The following KRIT1 variants were observed in gnomAD, a reference collection of about 807,000 sequenced individuals.
KRIT1 encodes krev interaction trapped protein 1.
In KRIT1, 45 loss-of-function variants were observed where a neutral mutation model predicts 95.8. The ratio of observed to expected loss-of-function variants is 0.47; its 90% CI spans 0.37 to 0.60. The LOEUF is 0.60. Ranked by LOEUF, KRIT1 falls within the 20% of genes least tolerant of loss-of-function variation. KRIT1 has a pLI of 0.00. For synonymous variants in KRIT1, 282 were observed against 278.8 expected, an observed-to-expected ratio of 1.01 and a Z score of -0.11; for missense variants, 788 against 877.5, an observed-to-expected ratio of 0.90 and a Z score of 1.29.
At chr7:92,240,484 G>A (rs540075853) in intron 5 of KRIT1, among the ~76,000 whole-genome samples, 7 of 152,238 alleles carry the variant, frequency 4.6e-5, no homozygotes, top group African/African-American at 1.7e-4. Flanking sequence ...CTGAGAAAAT[G>A]GATCATTAAT....
chr7:92,226,542 T>C lies in KRIT1; in HGVS notation c.1130A>G (p.His377Arg), dbSNP rs1481986197. The change falls in exon 11 of 19, where the codon CAC (histidine) becomes CGC (arginine). Residue 377 changes from histidine (H) to arginine (R), a missense_variant. Physicochemically the swap from His to Arg is conservative, Grantham distance 29 (BLOSUM62 0). Transcript: ENST00000394505. ...HAEIVQILLN[H>R]PETDRHITDQ... ...ATAACTTACTCTATCCGTTTCTGGG[T>C]GGTTTAGGAGAATCTGTACTATTTC... The C allele has an allele frequency of 3.1e-6, 5 of 1,612,296 alleles. No homozygotes were observed. The highest frequency in any genetic ancestry group is 4.2e-6 in the Non-Finnish European group (5 of 1,178,456).
At chr7:92,204,892 C>G (rs1791052897) in intron 17 of KRIT1, among the ~76,000 whole-genome samples, 1 of 152,122 alleles carries the variant, frequency 6.6e-6, no homozygotes, top group African/African-American at 2.4e-5. Flanking sequence ...TTACTAAAAT[C>G]AGACTCTATT....
At chr7:92,236,793 A>G (rs1798519393) in intron 6 of KRIT1, among the ~76,000 whole-genome samples, 1 of 152,124 alleles carries the variant, frequency 6.6e-6, no homozygotes, top group Non-Finnish European at 1.5e-5. Context: ...CAATGCTGTA[A>G]AACTCATTAA....
intron 8 of KRIT1, 53 bp downstream of exon 8, chr7:92,235,350 C>T: frequency 6.4e-7 from 1 of 1,573,858 alleles, no homozygotes; most frequent in African/African-American, 1.3e-5. Flanking sequence ...AAAAAAATTA[C>T]ACTTGAGATA....
At chr7:92,211,363 T>C (rs1289934287) in intron 17 of KRIT1, among the ~76,000 whole-genome samples, 1 of 152,214 alleles carries the variant, frequency 6.6e-6, no homozygotes, top group African/African-American at 2.4e-5. Flanking sequence ...AAATCTTGCA[T>C]TCGCAACAAC....
At chr7:92,214,540 AT>A in intron 15 of KRIT1, 70 bp downstream of exon 15, 1 of 1,163,550 alleles carries the variant, frequency 8.6e-7, no homozygotes, top group Non-Finnish European at 1.3e-6. Flanking sequence ...TTCTAATAAC[AT>A]TTTTAAACTT....
At chr7:92,207,460 C>G (rs1020476975) in intron 17 of KRIT1, among the ~76,000 whole-genome samples, 16 of 152,034 alleles carry the variant, frequency 1.1e-4, no homozygotes, top group Admixed American at 7.9e-4. Context: ...ATGACAGACT[C>G]CAATACAATA....
intron 10 of KRIT1, among the ~76,000 whole-genome samples, chr7:92,230,482 A>G (rs1797053389): frequency 6.6e-6 from 1 of 152,216 alleles, no homozygotes; most frequent in South Asian, 2.1e-4. Context: ...CAGAGCAGGG[A>G]AACAGATCAA....
chr7:92,214,532 C>T, intron 15 of KRIT1, 79 bp downstream of exon 15: 1 of 1,047,762 alleles, frequency 9.5e-7, no homozygotes, highest in Non-Finnish European at 1.4e-6. Context: ...TAAATATTTT[C>T]TAATAACATT....
At chr7:92,242,409 A>G (rs1305567429) in intron 3 of KRIT1, among the ~76,000 whole-genome samples, 1 of 152,184 alleles carries the variant, frequency 6.6e-6, no homozygotes, top group Admixed American at 6.5e-5. Context: ...TCATTTTAAA[A>G]TAGGGTTATA....
At position 92,236,503 on chromosome 7, in the gene KRIT1, A is replaced by G; in HGVS notation, c.395T>C (p.Phe132Ser). The G allele has an allele frequency of 6.3e-7, 1 of 1,578,914 alleles. No individual in the cohort carries two copies. The highest frequency in any genetic ancestry group is 8.7e-7 in the Non-Finnish European group (1 of 1,148,302). Residue 132 changes from phenylalanine to serine, a missense_variant, in exon 7 of 19, where the codon TTT becomes TCT. Physicochemically the swap from Phe to Ser is radical, Grantham distance 155 (BLOSUM62 -2). Transcript: ENST00000394505. ...KYTYTPGCPI[F>S]YCLQDIMRVC... ...TCGCATAATATCTTGTAAGCAGTAA[A>G]AAATTGGGCATCCTGGGGTATATGT... is the stretch of plus-strand genomic sequence containing the variant.
At chr7:92,224,554 C>A (rs1241853849) in intron 12 of KRIT1, among the ~76,000 whole-genome samples, 1 of 151,948 alleles carries the variant, frequency 6.6e-6, no homozygotes, top group Admixed American at 6.5e-5. Flanking sequence ...ATTGTTAATT[C>A]TTCTGTATTT....
At position 92,240,839 on chromosome 7, in the gene KRIT1, T is replaced by C. The variant is rs1452491684; in HGVS notation, c.262+154A>G. 6.1e-6 allele frequency: 4 copies of C among 657,592 alleles called. No individual in the cohort carries two copies. The East Asian group carries it at 1.1e-4, about 18-fold the overall frequency. The allele number at this position is 657,592 out of a possible 1,614,324, so 40.7% of individuals were successfully genotyped here. ...TGTCAAGTTACATCTTGAAGGGGCT[T>C]GGGTGTACCTTAAAAAACACTTGAG... On this transcript the variant is annotated intron_variant, in intron 5 of 18. Transcript: ENST00000394505.
intron 8 of KRIT1, 53 bp downstream of exon 8, chr7:92,235,350 C>G (rs1798202544): frequency 1.9e-6 from 3 of 1,573,740 alleles, no homozygotes; most frequent in South Asian, 1.1e-5. Context: ...AAAAAAATTA[C>G]ACTTGAGATA....
At chr7:92,230,417 C>A (rs940864930) in intron 10 of KRIT1, among the ~76,000 whole-genome samples, 3 of 152,130 alleles carry the variant, frequency 2.0e-5, no homozygotes, top group African/African-American at 7.2e-5. Context: ...CTCCATTATG[C>A]TCTTTCAACT....
chr7:92,225,362 C>G (rs540261815), intron 12 of KRIT1, among the ~76,000 whole-genome samples: 1 of 152,234 alleles, frequency 6.6e-6, no homozygotes, highest in East Asian at 1.9e-4. Flanking sequence ...GGCTGGAGTA[C>G]AGTGGCACAA....
chr7:92,211,572 A>G (rs1212687258), intron 17 of KRIT1, among the ~76,000 whole-genome samples: 1 of 152,166 alleles, frequency 6.6e-6, no homozygotes, highest in Non-Finnish European at 1.5e-5. Context: ...AGTTAGATAG[A>G]ATGAATAAGT....
chr7:92,213,508 CT>C (rs1793325967), intron 16 of KRIT1, 107 bp from the exon 17 acceptor site: 2 of 730,784 alleles, frequency 2.7e-6, no homozygotes, highest in African/African-American at 3.6e-5. Context: ...AAGATTGCCC[CT>C]AAAGAATAAA....
intron 4 of KRIT1, 42 bp downstream of exon 4, chr7:92,241,992 G>T: frequency 2.0e-6 from 2 of 1,003,926 alleles, no homozygotes; most frequent in South Asian, 1.3e-5. Flanking sequence ...AATACAGAAT[G>T]ACATTCAATG....
Sources: gnomAD v4.1 joint callset for allele counts (sites outside exome capture counted in the v4.1 genomes callset) on GRCh38, gnomAD v4.1.1 for gene constraint, MANE v1.5 for transcripts, NCBI Gene and HGNC (gene_info 2026-07-23, HGNC 2026-07-21) for gene names.